Variants in TENM3 observed in about 807,000 individuals in gnomAD.
The protein encoded by TENM3 is teneurin transmembrane protein 3.
A neutral mutation model predicts 255.1 loss-of-function variants in TENM3; 63 were observed. The observed-to-expected ratio is 0.25, with a 90% CI of 0.20 to 0.30. The LOEUF is 0.30. TENM3 is among the 10% of genes least tolerant of loss of function. The pLI, the probability that TENM3 is intolerant of heterozygous loss-of-function variation, is 1.00. For synonymous variants in TENM3, 1,306 were observed against 1,322.3 expected (o/e 0.99, Z 0.27); for missense variants, 2,929 against 3,461.1 (o/e 0.85, Z 3.86).
At chr4:182,177,018 A>G (rs1274164544) in intron 1 of TENM3, among the ~76,000 whole-genome samples, 1 of 151,884 alleles carries the variant, frequency 6.6e-6, no homozygotes, top group Admixed American at 6.6e-5. Context: ...GACAGGACAG[A>G]CATTCAAATT....
chr4:181,870,447 G>T, the TENM3 span, among the ~76,000 whole-genome samples: 2 of 152,064 alleles, frequency 1.3e-5, no homozygotes, highest in African/African-American at 4.8e-5. Context: ...CACTCCATTT[G>T]TCCCAAATAA....
At chr4:181,907,425 C>G in the TENM3 span, among the ~76,000 whole-genome samples, 1 of 152,138 alleles carries the variant, frequency 6.6e-6, no homozygotes, top group African/African-American at 2.4e-5. Flanking sequence ...TATGAAATCT[C>G]CCAAGATTTT....
the TENM3 span, among the ~76,000 whole-genome samples, chr4:181,662,338 A>G: frequency 6.6e-6 from 1 of 152,324 alleles, no homozygotes; most frequent in Non-Finnish European, 1.5e-5. Context: ...AGTTATTTTC[A>G]TTTGATTTTA....
chr4:182,201,180 G>C (rs1214007611), intron 1 of TENM3, among the ~76,000 whole-genome samples: 1 of 152,034 alleles, frequency 6.6e-6, no homozygotes, highest in Non-Finnish European at 1.5e-5. Flanking sequence ...TAACCAGATA[G>C]TACGTTAGAA....
chr4:182,484,918 G>A (rs1032108829), intron 3 of TENM3, among the ~76,000 whole-genome samples: 9 of 152,036 alleles, frequency 5.9e-5, no homozygotes, highest in Non-Finnish European at 1.0e-4. Flanking sequence ...GTTCTCTAAT[G>A]GCCACAGATA....
At chr4:181,623,595 G>A in the TENM3 span, among the ~76,000 whole-genome samples, 1 of 152,212 alleles carries the variant, frequency 6.6e-6, no homozygotes, top group African/African-American at 2.4e-5. Flanking sequence ...CACTTGATAT[G>A]AAAATCATTC....
chr4:182,671,216 C>G (rs985619405), intron 6 of TENM3, among the ~76,000 whole-genome samples: 1 of 152,144 alleles, frequency 6.6e-6, no homozygotes, highest in Admixed American at 6.6e-5. Context: ...GTTACTCTCC[C>G]CATTTTCTAA....
chr4:182,473,431 T>C (rs1220293077), intron 3 of TENM3, among the ~76,000 whole-genome samples: 3 of 152,174 alleles, frequency 2.0e-5, no homozygotes, highest in Non-Finnish European at 4.4e-5. Context: ...CCCAGCACTT[T>C]GGGAGGCCAA....
the TENM3 span, among the ~76,000 whole-genome samples, chr4:181,698,329 A>G: frequency 1.9e-3 from 289 of 152,280 alleles, 3 homozygotes; most frequent in African/African-American, 6.8e-3. Context: ...GACTATTAAC[A>G]TCTGATTCCA....
chr4:181,754,602 T>C, the TENM3 span, among the ~76,000 whole-genome samples: 2 of 152,138 alleles, frequency 1.3e-5, no homozygotes, highest in African/African-American at 4.8e-5. Flanking sequence ...AGTGGAGATG[T>C]ATTAAATATG....
the TENM3 span, among the ~76,000 whole-genome samples, chr4:181,866,773 T>A: frequency 6.6e-6 from 1 of 152,154 alleles, no homozygotes; most frequent in Admixed American, 6.5e-5. Flanking sequence ...GAACACAGCC[T>A]CCTCCATAAA....
At chr4:182,552,997 A>G (rs542495173) in intron 3 of TENM3, among the ~76,000 whole-genome samples, 24 of 152,342 alleles carry the variant, frequency 1.6e-4, no homozygotes, top group Non-Finnish European at 2.5e-4. Context: ...GACATGCATG[A>G]TACTGAATCA....
chr4:182,646,361 G>A (rs545331361), intron 5 of TENM3, among the ~76,000 whole-genome samples: 53 of 152,288 alleles, frequency 3.5e-4, no homozygotes, highest in African/African-American at 1.2e-3. Flanking sequence ...GGAAAATAAA[G>A]TATTGATGAT....
the TENM3 span, among the ~76,000 whole-genome samples, chr4:181,484,584 T>C: frequency 6.6e-6 from 1 of 152,196 alleles, no homozygotes; most frequent in Non-Finnish European, 1.5e-5. Flanking sequence ...TAACTGACAC[T>C]AGAGGCCTAT....
At chr4:181,541,398 A>G in the TENM3 span, among the ~76,000 whole-genome samples, 10 of 152,126 alleles carry the variant, frequency 6.6e-5, no homozygotes, top group East Asian at 1.9e-3. Context: ...AAAAAAATTA[A>G]AAAGTTCAAA....
chr4:182,708,878 G>A (rs1040808436), intron 12 of TENM3, among the ~76,000 whole-genome samples: 7 of 151,924 alleles, frequency 4.6e-5, no homozygotes, highest in East Asian at 1.9e-4. Flanking sequence ...TACTCATGCC[G>A]TGTGTCCCAC....
the TENM3 span, among the ~76,000 whole-genome samples, chr4:181,529,825 T>A: frequency 6.6e-6 from 1 of 152,190 alleles, no homozygotes; most frequent in Admixed American, 6.5e-5. Flanking sequence ...TGGAAAATAT[T>A]TGTTGAATTA....
intron 25 of TENM3, among the ~76,000 whole-genome samples, chr4:182,790,271 A>G (rs868248420): frequency 2.2e-4 from 32 of 148,686 alleles, no homozygotes; most frequent in African/African-American, 7.4e-4. Context: ...CGCGTGCTAC[A>G]CACTACTCGG....
chr4:182,168,814 A>G (rs1202380115), intron 1 of TENM3, among the ~76,000 whole-genome samples: 1 of 97,394 alleles, frequency 1.0e-5, no homozygotes, highest in Non-Finnish European at 2.6e-5. Context: ...GCTGCTCAAC[A>G]GTTAGCCCAT....
Sources: gnomAD v4.1 joint callset for allele counts (sites outside exome capture counted in the v4.1 genomes callset) on GRCh38, gnomAD v4.1.1 for gene constraint, MANE v1.5 for transcripts, NCBI Gene and HGNC (gene_info 2026-07-23, HGNC 2026-07-21) for gene names.